The following CATSPERE variants were observed in gnomAD, a reference collection of about 807,000 sequenced individuals.
CATSPERE encodes cation channel sperm-associated auxiliary subunit epsilon.
A neutral mutation model predicts 114.1 loss-of-function variants in CATSPERE; 93 were observed. That is an observed-to-expected ratio of 0.81 (90% CI 0.69 to 0.97). The LOEUF is 0.97. CATSPERE is among the 50% of genes least tolerant of loss of function. The pLI is 0.00. For missense variants in CATSPERE, 1,058 were observed against 1,131.6 expected (o/e 0.93, Z 0.93); for synonymous variants, 341 against 384.1 (o/e 0.89, Z 1.31).
intron 2 of CATSPERE, among the ~76,000 whole-genome samples, chr1:244,469,578 G>A (rs1668137278): frequency 6.6e-6 from 1 of 152,172 alleles, no homozygotes; most frequent in Non-Finnish European, 1.5e-5. Flanking sequence ...TTGGAAAGGG[G>A]AAGATAAACT....
At chr1:244,537,105 C>G (rs182185465) in intron 8 of CATSPERE, among the ~76,000 whole-genome samples, 1 of 152,164 alleles carries the variant, frequency 6.6e-6, no homozygotes, top group African/African-American at 2.4e-5. Context: ...AGGAGACATC[C>G]TTGTCGTGTA....
chr1:244,519,024 A>C (rs567813972), intron 8 of CATSPERE, among the ~76,000 whole-genome samples: 114 of 152,070 alleles, frequency 7.5e-4, no homozygotes, highest in African/African-American at 2.7e-3. Context: ...GTACACACAC[A>C]TACACACACA....
chr1:244,490,440 C>G lies in CATSPERE; in HGVS notation c.327-7C>G. 6.5e-7 allele frequency: 1 copy of G among 1,534,516 alleles called. No homozygotes were observed. Among genetic ancestry groups the G allele is most frequent in the Non-Finnish European group, 9.0e-7 (1 of 1,115,476 alleles). ...TACTAAAATATGTTTCCTCTTTTTC[C>G]AAGCAGACATTTCTTTAACAACTTT... On this transcript the variant is annotated splice_region_variant and splice_polypyrimidine_tract_variant and intron_variant, in intron 5 of 21. Coordinates refer to ENST00000366534, the MANE Select transcript of CATSPERE (RefSeq NM_001130957.2).
At chr1:244,602,493 G>A (rs1440211151) in intron 17 of CATSPERE, among the ~76,000 whole-genome samples, 1 of 152,146 alleles carries the variant, frequency 6.6e-6, no homozygotes, top group Non-Finnish European at 1.5e-5. Context: ...AATGGCTCAG[G>A]TACAAGGCTC....
chr1:244,605,167 T>C (rs191308387), intron 17 of CATSPERE, among the ~76,000 whole-genome samples: 3 of 152,262 alleles, frequency 2.0e-5, no homozygotes. Flanking sequence ...TCATAGTAAT[T>C]CTGTGGTTTC....
At chr1:244,512,525 T>A (rs764242880) in intron 7 of CATSPERE, among the ~76,000 whole-genome samples, 2 of 152,188 alleles carry the variant, frequency 1.3e-5, no homozygotes, top group Non-Finnish European at 2.9e-5. Context: ...TCTCTGAGTT[T>A]CTTTATTGTC....
At chr1:244,491,145 T>A (rs1217724388) in intron 6 of CATSPERE, among the ~76,000 whole-genome samples, 2 of 151,940 alleles carry the variant, frequency 1.3e-5, no homozygotes, top group Non-Finnish European at 2.9e-5. Flanking sequence ...AATATACATT[T>A]TTTTCAGCAC....
chr1:244,535,132 T>C (rs1040480426), intron 8 of CATSPERE, among the ~76,000 whole-genome samples: 28 of 152,220 alleles, frequency 1.8e-4, no homozygotes, highest in African/African-American at 6.8e-4. Context: ...TCTCTCTCAG[T>C]GCTGAGCTGC....
At chr1:244,471,126 C>A (rs997423452) in intron 2 of CATSPERE, among the ~76,000 whole-genome samples, 1 of 152,042 alleles carries the variant, frequency 6.6e-6, no homozygotes, top group Non-Finnish European at 1.5e-5. Context: ...TACTAAAAAC[C>A]ATTGTACACT....
chr1:244,566,617 G>A (rs59964866), intron 10 of CATSPERE, among the ~76,000 whole-genome samples: 1,405 of 107,102 alleles, frequency 0.013, 31 homozygotes, highest in African/African-American at 0.04. Context: ...CTGGTTTAAA[G>A]TCTGTTTTAT....
At chr1:244,639,467 A>G (rs1413743425) in intron 21 of CATSPERE, among the ~76,000 whole-genome samples, 8 of 152,188 alleles carry the variant, frequency 5.3e-5, no homozygotes, top group Admixed American at 4.6e-4. Flanking sequence ...AGGCCGGCAA[A>G]TCACTTGAGG....
intron 9 of CATSPERE, among the ~76,000 whole-genome samples, chr1:244,557,672 T>C (rs1307990921): frequency 6.8e-6 from 1 of 148,098 alleles, no homozygotes. Flanking sequence ...TTTATCCTAC[T>C]TGAGGTTCAA....
intron 17 of CATSPERE, among the ~76,000 whole-genome samples, chr1:244,595,825 G>C (rs572068377): frequency 1.3e-5 from 2 of 152,102 alleles, no homozygotes; most frequent in African/African-American, 4.8e-5. Context: ...CCCAGCTACT[G>C]GGGAGGCTGA....
chr1:244,468,940 T>C (rs1291523350), intron 2 of CATSPERE, among the ~76,000 whole-genome samples: 1 of 152,068 alleles, frequency 6.6e-6, no homozygotes. Flanking sequence ...AAAGGAAATA[T>C]TGAATGTACA....
Position 244,478,621 on chromosome 1 carries a change from A to T in CATSPERE, c.258+646A>T, listed in dbSNP as rs112011437. On this transcript the variant is annotated intron_variant, in intron 4 of 21. Coordinates refer to ENST00000366534, the MANE Select transcript of CATSPERE (RefSeq NM_001130957.2). ...AATTAAAAAGCTTTATTGTCAAGGC[A>T]CAAGTAGACAGAGCGATGTGGGAGA... Among the ~76,000 whole-genome samples the T allele has an allele frequency of 3.0e-3, 452 of 152,366 alleles. 5 individuals carry two copies. The highest frequency in any genetic ancestry group is 0.01 in the African/African-American group (429 of 41,578).
chr1:244,622,486 C>T (rs932961884), intron 20 of CATSPERE, among the ~76,000 whole-genome samples: 3 of 150,720 alleles, frequency 2.0e-5, no homozygotes, highest in African/African-American at 7.3e-5. Flanking sequence ...TCACTGCAAC[C>T]TCCACCTCCC....
At chr1:244,567,908 AG>A (rs1663839843) in intron 10 of CATSPERE, among the ~76,000 whole-genome samples, 1 of 151,914 alleles carries the variant, frequency 6.6e-6, no homozygotes, top group Non-Finnish European at 1.5e-5. Context: ...GATCCTTTGG[AG>A]GGGAAGAGGC....
In CATSPERE at chr1:244,477,891, C is replaced by G. The variant is rs1669623026; in HGVS notation, c.189-15C>G. Reference sequence around the variant, plus strand: ...TGCACCTATAATTATTCTTTCTCATCTTTTTAAACACTAGCTCACCCACGA... The same window carrying G: ...TGCACCTATAATTATTCTTTCTCATGTTTTTAAACACTAGCTCACCCACGA... On this transcript the variant is annotated splice_polypyrimidine_tract_variant and intron_variant, in intron 3 of 21. Coordinates refer to ENST00000366534, the MANE Select transcript of CATSPERE (RefSeq NM_001130957.2). The G allele has an allele frequency of 6.3e-7, 1 of 1,588,032 alleles. No individual in the cohort carries two copies. Among genetic ancestry groups the G allele is most frequent in the African/African-American group, 1.3e-5 (1 of 74,186 alleles).
chr1:244,483,945 T>C (rs1558342009), intron 5 of CATSPERE, among the ~76,000 whole-genome samples: 2 of 152,170 alleles, frequency 1.3e-5, no homozygotes, highest in Non-Finnish European at 2.9e-5. Context: ...TTTTTTCTTC[T>C]AAAATTAGGT....
Sources: gnomAD v4.1 joint callset for allele counts (sites outside exome capture counted in the v4.1 genomes callset) on GRCh38, gnomAD v4.1.1 for gene constraint, MANE v1.5 for transcripts, NCBI Gene and HGNC (gene_info 2026-07-23, HGNC 2026-07-21) for gene names.